The following COBLL1 variants were observed in gnomAD, a reference collection of about 807,000 sequenced individuals.
The protein encoded by COBLL1 is cordon-bleu protein-like 1.
In COBLL1, 50 loss-of-function variants were observed where a neutral mutation model predicts 94.8. That is an observed-to-expected ratio of 0.53 (90% CI 0.42 to 0.67). The LOEUF is 0.67. COBLL1 is among the 30% of genes least tolerant of loss of function. The probability of loss-of-function intolerance (pLI) is 0.00; values close to 1 mark genes in which losing one functional copy is unlikely to be tolerated. For synonymous variants in COBLL1, 448 were observed against 473.8 expected (o/e 0.95, Z 0.71); for missense variants, 1,362 against 1,348.7 (o/e 1.01, Z -0.15).
intron 13 of COBLL1, among the ~76,000 whole-genome samples, chr2:164,690,282 G>C (rs907822746): frequency 1.3e-5 from 2 of 152,058 alleles, no homozygotes; most frequent in Non-Finnish European, 2.9e-5. Context: ...GATTATAGAT[G>C]AGATTTTTAT....
At chr2:164,783,963 C>G (rs1355697045) in intron 2 of COBLL1, among the ~76,000 whole-genome samples, 1 of 152,140 alleles carries the variant, frequency 6.6e-6, no homozygotes, top group Non-Finnish European at 1.5e-5. Context: ...GCTACCCTGT[C>G]TCAATCAATC....
chr2:164,804,649 G>A (rs1253691727), intron 2 of COBLL1, among the ~76,000 whole-genome samples: 3 of 152,248 alleles, frequency 2.0e-5, no homozygotes, highest in Non-Finnish European at 4.4e-5. Flanking sequence ...GTTCACTGGT[G>A]CTTGCATTTT....
At chr2:164,801,416 G>A (rs1683785483) in intron 2 of COBLL1, among the ~76,000 whole-genome samples, 3 of 128,206 alleles carry the variant, frequency 2.3e-5, no homozygotes, top group Admixed American at 1.7e-4. Flanking sequence ...TCCAGCCTGG[G>A]CGACAGAGCG....
chr2:164,831,025 ATTTTG>A (rs1435572648), intron 2 of COBLL1, among the ~76,000 whole-genome samples: 1 of 152,216 alleles, frequency 6.6e-6, no homozygotes, highest in Non-Finnish European at 1.5e-5. Context: ...AGCATTTAAA[ATTTTG>A]TTTTATTTTT....
In COBLL1 at chr2:164,695,357, C is replaced by G; in HGVS notation, c.2035G>C (p.Ala679Pro). Reference sequence around the variant, plus strand: ...GGCAAAAGATCATCATTACCATGTGCACAAATTGGATCTTTTACGGTAAGC... The same window carrying G: ...GGCAAAAGATCATCATTACCATGTGGACAAATTGGATCTTTTACGGTAAGC... ...DPLTVKDPIC[A>P]HGNDDLLPPV... The change falls in exon 12 of 14, where the codon GCA (alanine) becomes CCA (proline). Residue 679 changes from alanine to proline, a missense_variant. Coordinates refer to ENST00000652658, the MANE Select transcript of COBLL1 (RefSeq NM_001365672.2). 6.2e-7 allele frequency: 1 copy of G among 1,613,888 alleles called. No homozygotes were observed. The highest frequency in any genetic ancestry group is 8.5e-7 in the Non-Finnish European group (1 of 1,179,930).
intron 2 of COBLL1, among the ~76,000 whole-genome samples, chr2:164,839,398 A>AC (rs5835999): frequency 0.52 from 79,285 of 152,022 alleles, 22,138 homozygotes; most frequent in African/African-American, 0.69. Context: ...TTTCGGATCA[A>AC]CTAGGCAACA....
chr2:164,743,967 G>T, intron 2 of COBLL1, 92 bp from the exon 3 acceptor site: 1 of 920,022 alleles, frequency 1.1e-6, no homozygotes, highest in South Asian at 2.2e-5. Context: ...TGATCTAGTA[G>T]TGGTTTTTCA....
intron 2 of COBLL1, among the ~76,000 whole-genome samples, chr2:164,753,405 C>A (rs1687221670): frequency 6.6e-6 from 1 of 151,990 alleles, no homozygotes; most frequent in Non-Finnish European, 1.5e-5. Flanking sequence ...TCAATTACAT[C>A]CCATGTTTCT....
At chr2:164,702,432 C>T (rs1684337402) in intron 9 of COBLL1, among the ~76,000 whole-genome samples, 1 of 151,004 alleles carries the variant, frequency 6.6e-6, no homozygotes, top group African/African-American at 2.4e-5. Context: ...GGTGTGGTGG[C>T]GGGCGCCTGT....
intron 2 of COBLL1, among the ~76,000 whole-genome samples, chr2:164,757,813 A>AAAT (rs992040949): frequency 1.5e-3 from 229 of 151,394 alleles, no homozygotes; most frequent in Non-Finnish European, 2.7e-3. Context: ...CTGTCTCAAA[A>AAAT]AATAATAATA....
rs1233521961 is a variant in COBLL1 at position 164,703,240 on chromosome 2, T to C, written c.1225+1204A>G. On this transcript the variant is annotated intron_variant, in intron 9 of 13. Coordinates refer to ENST00000652658, the MANE Select transcript of COBLL1 (RefSeq NM_001365672.2). ...AGGTTTCTGCCAAAGAAGTAGAATCTGTAGAAATGGCACTTAGACAACAGA... is the reference window on the plus strand; with the variant it reads ...AGGTTTCTGCCAAAGAAGTAGAATCCGTAGAAATGGCACTTAGACAACAGA... 4 of 1,537,122 alleles carry C rather than the reference T, an allele frequency of 2.6e-6. No homozygotes were observed. The African/African-American group carries it at 4.1e-5, about 16-fold the overall frequency.
chr2:164,673,942 T>C (rs1021174012), intron 1 of COBLL1, among the ~76,000 whole-genome samples: 2 of 152,252 alleles, frequency 1.3e-5, no homozygotes, highest in African/African-American at 4.8e-5. Flanking sequence ...ATTATTATGC[T>C]ATAAATACTA....
intron 2 of COBLL1, among the ~76,000 whole-genome samples, chr2:164,784,333 G>T (rs894795008): frequency 2.6e-5 from 4 of 152,022 alleles, no homozygotes; most frequent in African/African-American, 9.7e-5. Context: ...ATAATCCTAG[G>T]TCGTTTTATT....
chr2:164,800,302 C>A (rs1202828900), intron 2 of COBLL1, among the ~76,000 whole-genome samples: 1 of 152,020 alleles, frequency 6.6e-6, no homozygotes, highest in Non-Finnish European at 1.5e-5. Context: ...ATACAAATGG[C>A]AAATAAGCAC....
rs565898174 is a variant in COBLL1 at position 164,813,352 on chromosome 2, T to C, written c.41+27804A>G. On this transcript the variant is annotated intron_variant, in intron 2 of 13. Transcript: ENST00000652658. ...TGAAAGACCTCACAGGGGTAACCAA[T>C]GGTACAAAATGTATAAAGTCAAACT... Among the ~76,000 whole-genome samples the C allele has an allele frequency of 1.1e-3, 173 of 152,112 alleles. 1 individual carries two copies. The highest frequency in any genetic ancestry group is 2.1e-3 in the Non-Finnish European group (144 of 67,968).
At chr2:164,715,967 C>G (rs752529315) in intron 7 of COBLL1, among the ~76,000 whole-genome samples, 9 of 152,106 alleles carry the variant, frequency 5.9e-5, no homozygotes, top group Non-Finnish European at 8.8e-5. Flanking sequence ...GAAAAATTCT[C>G]CAAAAGGTTC....
intron 2 of COBLL1, among the ~76,000 whole-genome samples, chr2:164,793,681 A>G (rs888976644): frequency 6.6e-6 from 1 of 152,220 alleles, no homozygotes; most frequent in African/African-American, 2.4e-5. Flanking sequence ...ATTCCTTTCC[A>G]ATATTAACAG....
chr2:164,780,077 T>C (rs554017335), intron 2 of COBLL1, among the ~76,000 whole-genome samples: 2 of 152,326 alleles, frequency 1.3e-5, no homozygotes, highest in South Asian at 2.1e-4. Flanking sequence ...CTTTACTAAA[T>C]GTGAGGCAGT....
intron 3 of COBLL1, among the ~76,000 whole-genome samples, chr2:164,737,577 T>A (rs1028107228): frequency 6.6e-6 from 1 of 151,986 alleles, no homozygotes; most frequent in Non-Finnish European, 1.5e-5. Context: ...TGTACCACCC[T>A]ATAGATTTTT....
Sources: allele counts gnomAD v4.1 joint callset (sites outside exome capture counted in the v4.1 genomes callset), GRCh38; gene constraint gnomAD v4.1.1; transcripts MANE v1.5; gene names NCBI Gene and HGNC (gene_info 2026-07-23, HGNC 2026-07-21).